SUGT1: variants seen among roughly 807,000 people sequenced by gnomAD.
The protein encoded by SUGT1 is protein SGT1 homolog.
In SUGT1, 15 loss-of-function variants were observed where a neutral mutation model predicts 56.1. The ratio of observed to expected loss-of-function variants is 0.27; its 90% CI spans 0.18 to 0.41. SUGT1 has a LOEUF of 0.41. Ranked by LOEUF, SUGT1 falls within the 10% of genes least tolerant of loss-of-function variation. The pLI is 1.00. For synonymous variants in SUGT1, 123 were observed against 128.6 expected, an observed-to-expected ratio of 0.96 and a Z score of 0.30; for missense variants, 347 against 382.2, an observed-to-expected ratio of 0.91 and a Z score of 0.77.
intron 11 of SUGT1, among the ~76,000 whole-genome samples, chr13:52,676,541 G>A (rs1296567522): frequency 1.3e-5 from 2 of 152,168 alleles, no homozygotes; most frequent in Admixed American, 1.3e-4. Context: ...AAATCCTAGA[G>A]GGAGTTGGGA....
intron 10 of SUGT1, among the ~76,000 whole-genome samples, chr13:52,670,455 G>A (rs936448427): frequency 6.6e-6 from 1 of 152,124 alleles, no homozygotes; most frequent in Non-Finnish European, 1.5e-5. Context: ...TGTGACTTTA[G>A]TGGCACCCAT....
chr13:52,697,936 T>A lies in SUGT1; in HGVS notation c.*10101T>A, dbSNP rs1219973988. ...CCTCAGCCTGAATACTCAACTTATGTCTGCCGTTTATTCCTTAACACATTA... is the reference window on the plus strand; with the variant it reads ...CCTCAGCCTGAATACTCAACTTATGACTGCCGTTTATTCCTTAACACATTA... On this transcript the variant is annotated 3_prime_UTR_variant, in exon 13 of 13. Transcript: ENST00000310528. The A allele has an allele frequency of 6.6e-6, 1 of 152,224 alleles. No homozygotes were observed. Among genetic ancestry groups the A allele is most frequent in the Admixed American group, 6.5e-5 (1 of 15,286 alleles). 9.4% of individuals were successfully genotyped at this position (152,224 alleles called of 1,614,324 possible).
At position 52,688,917 on chromosome 13, in the gene SUGT1, TTATAAAG is replaced by T. The variant is rs1238161414; in HGVS notation, c.*1087_*1093del. 1.3e-5 allele frequency: 2 copies of T among 152,204 alleles called. No individual in the cohort carries two copies. Among genetic ancestry groups the T allele is most frequent in the African/African-American group, 4.8e-5 (2 of 41,440 alleles). 9.4% of individuals were successfully genotyped at this position (152,204 alleles called of 1,614,324 possible). ...TTAAAATTGTTTACAGTCTAGGCTG[TTATAAAG>T]TATAGACTATGGATGACCTGTAGAT... On this transcript the variant is annotated 3_prime_UTR_variant, in exon 13 of 13. Coordinates refer to ENST00000310528, the MANE Select transcript of SUGT1 (RefSeq NM_006704.5).
Position 52,690,796 on chromosome 13 carries a change from A to G in SUGT1, c.*2961A>G, listed in dbSNP as rs1411311861. 6.6e-6 allele frequency: 1 copy of G among 152,236 alleles called. No individual in the cohort carries two copies. The highest frequency in any genetic ancestry group is 1.5e-5 in the Non-Finnish European group (1 of 68,052). 9.4% of individuals were successfully genotyped at this position (152,236 alleles called of 1,614,324 possible). A position where few individuals can be genotyped will look rare whatever the true frequency, so the allele number is the denominator to read the frequency against. On this transcript the variant is annotated 3_prime_UTR_variant, in exon 13 of 13. Transcript: ENST00000310528. ...TTACTGGCCAATCTGTTTTCTGTCT[A>G]TAGGGAGTGAAATGGAATGGAGAAA...
At chr13:52,681,084 C>T (rs190473285) in intron 12 of SUGT1, among the ~76,000 whole-genome samples, 16 of 152,196 alleles carry the variant, frequency 1.1e-4, no homozygotes, top group Admixed American at 5.9e-4. Flanking sequence ...GCAATCTAGC[C>T]GCCTCAGCCT....
intron 11 of SUGT1, among the ~76,000 whole-genome samples, chr13:52,678,607 A>T (rs539020012): frequency 2.0e-5 from 3 of 152,084 alleles, no homozygotes; most frequent in African/African-American, 4.8e-5. Context: ...ATGATGTGCT[A>T]TGTGAAATAT....
At chr13:52,683,354 GTTGA>G (rs1187218632) in intron 12 of SUGT1, among the ~76,000 whole-genome samples, 3 of 152,058 alleles carry the variant, frequency 2.0e-5, no homozygotes, top group Non-Finnish European at 4.4e-5. Context: ...TTTTGTCTGT[GTTGA>G]TTGATAGGAT....
chr13:52,680,978 A>C (rs1963349043), intron 12 of SUGT1, among the ~76,000 whole-genome samples: 1 of 151,962 alleles, frequency 6.6e-6, no homozygotes, highest in Non-Finnish European at 1.5e-5. Context: ...AGTAGCTGGG[A>C]CTATAGACAT....
At chr13:52,675,124 T>C (rs1963092277) in intron 10 of SUGT1, among the ~76,000 whole-genome samples, 1 of 152,192 alleles carries the variant, frequency 6.6e-6, no homozygotes, top group Non-Finnish European at 1.5e-5. Context: ...CAAATGCTTC[T>C]ACCCTTCAGA....
chr13:52,676,077 T>G (rs1395213416), intron 10 of SUGT1, among the ~76,000 whole-genome samples, 153 bp from the exon 11 acceptor site: 1 of 152,236 alleles, frequency 6.6e-6, no homozygotes, highest in South Asian at 2.1e-4. Flanking sequence ...AACAAAATTG[T>G]TTCATAGTTT....
chr13:52,677,504 T>A (rs990633676), intron 11 of SUGT1, among the ~76,000 whole-genome samples: 2 of 152,230 alleles, frequency 1.3e-5, no homozygotes, highest in African/African-American at 4.8e-5. Context: ...GGCTGAGGTT[T>A]ATATGTAGCT....
chr13:52,684,139 G>T (rs1027993825), intron 12 of SUGT1, among the ~76,000 whole-genome samples: 4 of 152,002 alleles, frequency 2.6e-5, no homozygotes, highest in Admixed American at 1.3e-4. Context: ...GAGCTCAAGC[G>T]ATCCGCCCAC....
intron 12 of SUGT1, among the ~76,000 whole-genome samples, chr13:52,681,917 T>TATTC (rs1566196238): frequency 7.4e-6 from 1 of 135,814 alleles, no homozygotes; most frequent in Non-Finnish European, 1.5e-5. Flanking sequence ...CTTATGGCCA[T>TATTC]ACTAACCCCA....
rs1357184735 is a variant in SUGT1 at position 52,680,565 on chromosome 13, C to G, written c.900+410C>G. 2.6e-5 allele frequency among the ~76,000 whole-genome samples: 4 copies of G among 152,094 alleles called. No individual in the cohort carries two copies. The South Asian group carries it at 8.3e-4, about 32-fold the overall frequency. ...CACGTTATTCATTGGTTTAACAACT[C>G]TCTTGATTAAGAAAATTCAGGCTTT... On this transcript the variant is annotated intron_variant, in intron 12 of 12. Transcript: ENST00000310528.
At chr13:52,663,902 A>G (rs995003810) in intron 7 of SUGT1, 133 bp from the exon 8 acceptor site, 5 of 876,074 alleles carry the variant, frequency 5.7e-6, no homozygotes, top group South Asian at 5.0e-5. Context: ...GAAAATTTTC[A>G]TGTAGTTATT....
At chr13:52,684,303 G>A (rs977717383) in intron 12 of SUGT1, among the ~76,000 whole-genome samples, 5 of 152,052 alleles carry the variant, frequency 3.3e-5, no homozygotes, top group African/African-American at 1.2e-4. Flanking sequence ...AGCCTTGCTA[G>A]AGGTTTAAAG....
rs377522041 is a variant in SUGT1 at position 52,676,285 on chromosome 13, A to G, written c.683A>G (p.Gln228Arg). The G allele has an allele frequency of 1.9e-6, 3 of 1,613,192 alleles. No individual in the cohort carries two copies. Among genetic ancestry groups the G allele is most frequent in the Non-Finnish European group, 2.5e-6 (3 of 1,179,574 alleles). ...GTGAGATGGGAAAAGCTAGAGGGGCAAGGAGATGTGCCTACGCCAAAACAA... is the reference window on the plus strand; with the variant it reads ...GTGAGATGGGAAAAGCTAGAGGGGCGAGGAGATGTGCCTACGCCAAAACAA... ...EAVRWEKLEGQGDVPTPKQFV... is the reference protein window; with the variant it reads ...EAVRWEKLEGRGDVPTPKQFV... Residue 228 changes from glutamine (Q) to arginine (R), a missense_variant, in exon 11 of 13, where the codon CAA (glutamine) becomes CGA (arginine). Physicochemically the swap from Gln to Arg is conservative, Grantham distance 43 (BLOSUM62 1). Coordinates refer to ENST00000310528, the MANE Select transcript of SUGT1 (RefSeq NM_006704.5).
intron 11 of SUGT1, among the ~76,000 whole-genome samples, chr13:52,677,973 C>G (rs1963215876): frequency 6.6e-6 from 1 of 152,066 alleles, no homozygotes; most frequent in African/African-American, 2.4e-5. Context: ...CTCTTCCTGT[C>G]CTGTTTTTGT....
chr13:52,670,760 A>C lies in SUGT1; in HGVS notation c.627+3841A>C, dbSNP rs545416821. Among the ~76,000 whole-genome samples, 282 of 152,242 alleles carry C rather than the reference A, an allele frequency of 1.9e-3. 2 individuals carry two copies. The highest frequency in any genetic ancestry group is 6.5e-3 in the African/African-American group (270 of 41,544). ...GAGGCGGAGGTTGCAGTGAGCCGAGATCATGTCGCGCCACTGCACTCCCGC... is the reference window on the plus strand; with the variant it reads ...GAGGCGGAGGTTGCAGTGAGCCGAGCTCATGTCGCGCCACTGCACTCCCGC... On this transcript the variant is annotated intron_variant, in intron 10 of 12. Coordinates refer to ENST00000310528, the MANE Select transcript of SUGT1 (RefSeq NM_006704.5).
Sources: gnomAD v4.1 joint callset for allele counts (sites outside exome capture counted in the v4.1 genomes callset) on GRCh38, gnomAD v4.1.1 for gene constraint, MANE v1.5 for transcripts, NCBI Gene and HGNC (gene_info 2026-07-23, HGNC 2026-07-21) for gene names.